ROBO2: variants seen among roughly 807,000 people sequenced by gnomAD.
ROBO2 encodes roundabout homolog 2.
Under a neutral mutation model 160.8 loss-of-function variants are expected in ROBO2, and 53 were observed. The ratio of observed to expected loss-of-function variants is 0.33; its 90% CI spans 0.26 to 0.41. The LOEUF (loss-of-function observed/expected upper bound fraction) is 0.41. Ranked by LOEUF, ROBO2 falls within the 10% of genes least tolerant of loss-of-function variation. The pLI, the probability that ROBO2 is intolerant of heterozygous loss-of-function variation, is 1.00. For synonymous variants in ROBO2, 664 were observed against 611.7 expected (o/e 1.09, Z -1.26); for missense variants, 1,577 against 1,722.4 (o/e 0.92, Z 1.49).
chr3:77,257,803 A>G (rs1340871809), intron 2 of ROBO2, among the ~76,000 whole-genome samples: 1 of 152,194 alleles, frequency 6.6e-6, no homozygotes, highest in Non-Finnish European at 1.5e-5. Flanking sequence ...TGTTACCAGT[A>G]TTTTTGGTTC....
At chr3:76,260,727 GT>G (rs1706689159) in intron 2 of ROBO2, among the ~76,000 whole-genome samples, 1 of 152,066 alleles carries the variant, frequency 6.6e-6, no homozygotes, top group Non-Finnish European at 1.5e-5. Flanking sequence ...AGCACAGTTA[GT>G]TCAAAAACAA....
intron 2 of ROBO2, among the ~76,000 whole-genome samples, chr3:76,834,417 T>A (rs1362252721): frequency 6.6e-6 from 1 of 151,860 alleles, no homozygotes; most frequent in African/African-American, 2.4e-5. Context: ...CAGGCTGGAG[T>A]GCAGGGGCAC....
chr3:76,341,884 G>A, intron 2 of ROBO2, among the ~76,000 whole-genome samples: 1 of 152,108 alleles, frequency 6.6e-6, no homozygotes, highest in Non-Finnish European at 1.5e-5. Context: ...CACTATGGTG[G>A]AGACTTCTAG....
chr3:76,332,368 C>T (rs930826366), intron 2 of ROBO2, among the ~76,000 whole-genome samples: 8 of 152,124 alleles, frequency 5.3e-5, no homozygotes, highest in Admixed American at 4.6e-4. Flanking sequence ...CATGTATTTT[C>T]AGCAAAGTAA....
chr3:76,726,923 A>G (rs2093560955), intron 2 of ROBO2, among the ~76,000 whole-genome samples: 1 of 152,210 alleles, frequency 6.6e-6, no homozygotes, highest in South Asian at 2.1e-4. Context: ...TTTCAGGAGT[A>G]GAAAAGGGGT....
At chr3:76,015,459 TAA>T (rs68074247) in intron 2 of ROBO2, among the ~76,000 whole-genome samples, 109,842 of 151,894 alleles carry the variant, frequency 0.72, 42,097 homozygotes, top group South Asian at 0.89. Context: ...TCCTCCATAA[TAA>T]AGTGACAGAA....
intron 2 of ROBO2, among the ~76,000 whole-genome samples, chr3:77,228,266 A>G (rs2086731557): frequency 6.6e-6 from 1 of 152,108 alleles, no homozygotes; most frequent in African/African-American, 2.4e-5. Context: ...TCCCGGGCTC[A>G]AGGGATCCTC....
chr3:77,252,831 A>AAAAAAAAAAAAT, intron 2 of ROBO2, among the ~76,000 whole-genome samples: 16 of 12,518 alleles, frequency 1.3e-3, no homozygotes, highest in African/African-American at 2.2e-3. Flanking sequence ...AAAAAAAAAA[A>AAAAAAAAAAAAT]ATATATATAT....
chr3:77,574,840 A>G (rs946197259), intron 14 of ROBO2, 110 bp downstream of exon 15: 11 of 812,254 alleles, frequency 1.4e-5, no homozygotes, highest in Non-Finnish European at 2.0e-5. Flanking sequence ...CTAAAAGTAA[A>G]TTGAGGAAGT....
At chr3:76,355,850 G>A (rs1384651446) in intron 2 of ROBO2, among the ~76,000 whole-genome samples, 1 of 151,544 alleles carries the variant, frequency 6.6e-6, no homozygotes, top group East Asian at 1.9e-4. Context: ...TTGGCTTTTG[G>A]AATTATTGAA....
chr3:76,995,814 T>A (rs1559817989), intron 2 of ROBO2, among the ~76,000 whole-genome samples: 3 of 152,244 alleles, frequency 2.0e-5, no homozygotes, highest in African/African-American at 7.2e-5. Flanking sequence ...TTTTTTCTTG[T>A]AAATTTGTTT....
At chr3:76,902,820 T>C (rs2075327340) in intron 2 of ROBO2, among the ~76,000 whole-genome samples, 1 of 152,032 alleles carries the variant, frequency 6.6e-6, no homozygotes, top group African/African-American at 2.4e-5. Context: ...GATTGGTTCA[T>C]ATTTTCCTTT....
chr3:75,941,615 A>T (rs1948058393), intron 2 of ROBO2, among the ~76,000 whole-genome samples: 1 of 152,210 alleles, frequency 6.6e-6, no homozygotes, highest in Admixed American at 6.5e-5. Flanking sequence ...CAACTGTAGG[A>T]AACTTAAATT....
chr3:77,584,010 G>A (rs1245955352), intron 16 of ROBO2, among the ~76,000 whole-genome samples: 4 of 152,040 alleles, frequency 2.6e-5, no homozygotes, highest in African/African-American at 9.7e-5. Flanking sequence ...GAAGTTTTGC[G>A]GTGAACATGA....
chr3:77,535,491 G>T (rs2092034551), intron 6 of ROBO2, among the ~76,000 whole-genome samples: 1 of 152,038 alleles, frequency 6.6e-6, no homozygotes, highest in Non-Finnish European at 1.5e-5. Flanking sequence ...CTTGAAAGAA[G>T]TTTTTCACCA....
At chr3:76,889,970 A>T (rs1275363263) in intron 2 of ROBO2, among the ~76,000 whole-genome samples, 4 of 152,152 alleles carry the variant, frequency 2.6e-5, no homozygotes, top group African/African-American at 7.2e-5. Flanking sequence ...GAGAGAAGTG[A>T]GAGCGATGTA....
chr3:77,424,754 G>T (rs1355309216), intron 2 of ROBO2, among the ~76,000 whole-genome samples: 1 of 152,092 alleles, frequency 6.6e-6, no homozygotes, highest in Non-Finnish European at 1.5e-5. Flanking sequence ...AACACTGCGT[G>T]CCCGTGTATG....
chr3:76,576,634 A>G (rs1319788217), intron 2 of ROBO2, among the ~76,000 whole-genome samples: 2 of 151,520 alleles, frequency 1.3e-5, no homozygotes, highest in South Asian at 2.1e-4. Flanking sequence ...ATTTTTTAAA[A>G]AAGTATTCAT....
intron 2 of ROBO2, among the ~76,000 whole-genome samples, chr3:76,666,012 C>G (rs1327285482): frequency 2.6e-5 from 3 of 115,804 alleles, no homozygotes; most frequent in South Asian, 2.4e-4. Context: ...ATAATATATA[C>G]ATATTATATA....
Sources: allele counts gnomAD v4.1 joint callset (sites outside exome capture counted in the v4.1 genomes callset), GRCh38; gene constraint gnomAD v4.1.1; transcripts MANE v1.5; gene names NCBI Gene and HGNC (gene_info 2026-07-23, HGNC 2026-07-21).